Variants in PREP observed in about 807,000 individuals in gnomAD.
PREP encodes the protein prolyl endopeptidase, also known as dJ355L5.1 (prolyl endopeptidase).
In PREP, 29 loss-of-function variants were observed where a neutral mutation model predicts 87.6. The observed-to-expected ratio is 0.33, with a 90% CI of 0.25 to 0.45. The LOEUF (loss-of-function observed/expected upper bound fraction) is 0.45, where lower values mean the gene tolerates loss of function less well. Ranked by LOEUF, PREP falls within the 20% of genes least tolerant of loss-of-function variation. PREP has a pLI of 1.00. For missense variants in PREP, 695 were observed against 886.5 expected, an observed-to-expected ratio of 0.78 and a Z score of 2.74; for synonymous variants, 337 against 328.6, an observed-to-expected ratio of 1.03 and a Z score of -0.28.
chr6:105,358,872 G>A (rs903735996), intron 6 of PREP, among the ~76,000 whole-genome samples: 3 of 152,132 alleles, frequency 2.0e-5, no homozygotes, highest in African/African-American at 7.2e-5. Flanking sequence ...CTTCTGGGTG[G>A]TCCAGCCCAG....
At chr6:105,318,054 A>G (rs2114640986) in intron 10 of PREP, among the ~76,000 whole-genome samples, 1 of 152,314 alleles carries the variant, frequency 6.6e-6, no homozygotes, top group South Asian at 2.1e-4. Context: ...CCCTGATCTC[A>G]GGGTCTACAC....
intron 2 of PREP, among the ~76,000 whole-genome samples, chr6:105,385,996 T>C (rs1772983911): frequency 6.6e-6 from 1 of 152,178 alleles, no homozygotes; most frequent in Non-Finnish European, 1.5e-5. Flanking sequence ...GGCGCATGCC[T>C]GTAATCCCAG....
chr6:105,352,244 T>C (rs1315186284), intron 7 of PREP, among the ~76,000 whole-genome samples: 1 of 152,188 alleles, frequency 6.6e-6, no homozygotes, highest in Non-Finnish European at 1.5e-5. Context: ...GGTCTGGGAA[T>C]TTTCAGCATA....
intron 8 of PREP, among the ~76,000 whole-genome samples, chr6:105,330,221 T>C (rs1323892610): frequency 6.6e-6 from 1 of 152,102 alleles, no homozygotes; most frequent in Admixed American, 6.5e-5. Flanking sequence ...AAAGATGGCA[T>C]TAATAAAGGA....
chr6:105,356,244 G>C (rs1772097332), intron 6 of PREP, among the ~76,000 whole-genome samples: 2 of 152,288 alleles, frequency 1.3e-5, no homozygotes, highest in South Asian at 4.1e-4. Flanking sequence ...TGTTTTCAAA[G>C]GTTTGTTGGG....
chr6:105,299,415 A>G (rs1770484475), intron 10 of PREP, among the ~76,000 whole-genome samples: 1 of 152,250 alleles, frequency 6.6e-6, no homozygotes, highest in Admixed American at 6.5e-5. Context: ...CCTGGCCATC[A>G]TGGCAAAACC....
chr6:105,277,980 G>T lies in PREP; in HGVS notation c.*164C>A. ...ACCAAGGCCTTGCTAAAAAGGAGAA[G>T]CCTAAAAAAGATAAAATTCCCACGG... is the stretch of plus-strand genomic sequence containing the variant. On this transcript the variant is annotated 3_prime_UTR_variant, in exon 15 of 15. Coordinates refer to ENST00000652536, the MANE Select transcript of PREP (RefSeq NM_002726.5). 1 of 990,810 alleles carries T rather than the reference G, an allele frequency of 1.0e-6. No homozygotes were observed. Among genetic ancestry groups the T allele is most frequent in the Non-Finnish European group, 1.5e-6 (1 of 671,504 alleles). The allele number at this position is 990,810 out of a possible 1,614,324, so 61.4% of individuals were successfully genotyped here.
At chr6:105,309,419 G>A (rs1770714145) in intron 10 of PREP, among the ~76,000 whole-genome samples, 1 of 151,922 alleles carries the variant, frequency 6.6e-6, no homozygotes, top group African/African-American at 2.4e-5. Flanking sequence ...ATGCGATCTC[G>A]ACTCACCGCA....
intron 1 of PREP, among the ~76,000 whole-genome samples, chr6:105,401,190 A>G (rs1350829979): frequency 2.0e-5 from 3 of 152,244 alleles, no homozygotes; most frequent in African/African-American, 7.2e-5. Flanking sequence ...TGAAATATCA[A>G]ACATAAATAA....
intron 14 of PREP, chr6:105,279,210 A>G (rs181691581): frequency 6.6e-6 from 1 of 152,270 alleles, no homozygotes; most frequent in East Asian, 1.9e-4. Flanking sequence ...AATGTATTTA[A>G]TATTTATTAA....
intron 6 of PREP, among the ~76,000 whole-genome samples, chr6:105,357,276 G>C (rs1215704886): frequency 1.3e-5 from 2 of 152,072 alleles, no homozygotes; most frequent in Non-Finnish European, 2.9e-5. Context: ...ATAAATGATG[G>C]CTAATTCAGT....
chr6:105,316,219 T>C (rs1770864830), intron 10 of PREP, among the ~76,000 whole-genome samples: 1 of 152,192 alleles, frequency 6.6e-6, no homozygotes, highest in Admixed American at 6.5e-5. Context: ...TTCCTTGCAT[T>C]TGAACATTTG....
intron 6 of PREP, among the ~76,000 whole-genome samples, chr6:105,363,425 C>A (rs1310976501): frequency 6.6e-6 from 1 of 152,080 alleles, no homozygotes; most frequent in Non-Finnish European, 1.5e-5. Flanking sequence ...TAGAACCTGA[C>A]AATTTCTCTC....
At chr6:105,299,923 AT>A (rs536940548) in intron 10 of PREP, among the ~76,000 whole-genome samples, 316 of 150,482 alleles carry the variant, frequency 2.1e-3, no homozygotes, top group African/African-American at 7.2e-3. Flanking sequence ...TTGAGACGGA[AT>A]CTCACTCTGT....
chr6:105,286,868 C>T (rs892791286), intron 11 of PREP, among the ~76,000 whole-genome samples: 5 of 140 alleles, frequency 0.036, no homozygotes, highest in Middle Eastern at 0.25. Flanking sequence ...CCCCGGGACT[C>T]ATCTCTTGAA....
rs1462086339 is a variant in PREP, at chr6:105,326,576, T to C, written c.1213+2253A>G. ...CCCTGGGGCTTTACATATAATTGAG[T>C]ACCTCTGCTCTTTACTGTAGTAGTG... On this transcript the variant is annotated intron_variant, in intron 9 of 14. Transcript: ENST00000652536. 2.6e-5 allele frequency among the ~76,000 whole-genome samples: 4 copies of C among 152,330 alleles called. No homozygotes were observed. The South Asian group carries it at 8.3e-4, about 32-fold the overall frequency.
At chr6:105,335,832 G>A (rs1771463289) in intron 7 of PREP, among the ~76,000 whole-genome samples, 1 of 152,132 alleles carries the variant, frequency 6.6e-6, no homozygotes, top group Non-Finnish European at 1.5e-5. Flanking sequence ...GGCAGAGCTT[G>A]CAGTGAGCCA....
intron 8 of PREP, among the ~76,000 whole-genome samples, chr6:105,330,498 G>C (rs1481823635): frequency 6.6e-6 from 1 of 152,200 alleles, no homozygotes; most frequent in African/African-American, 2.4e-5. Context: ...AGCTGGGAGA[G>C]CAGGAGTGAG....
At position 105,277,790 on chromosome 6, in the gene PREP, A is replaced by T. The variant is rs189451746; in HGVS notation, c.*354T>A. The T allele has an allele frequency of 1.3e-3, 275 of 208,768 alleles. 1 individual carries two copies. Among genetic ancestry groups the T allele is most frequent in the Middle Eastern group, 5.9e-3 (3 of 506 alleles). 12.9% of individuals were successfully genotyped at this position (208,768 alleles called of 1,614,324 possible). On this transcript the variant is annotated 3_prime_UTR_variant, in exon 15 of 15. Transcript: ENST00000652536. ...TGAGAACAGTTCTCACATTTATTTAAAGATATAGAGGTTATGGATATAGAT... is the reference window on the plus strand; with the variant it reads ...TGAGAACAGTTCTCACATTTATTTATAGATATAGAGGTTATGGATATAGAT...
Sources: allele counts gnomAD v4.1 joint callset (sites outside exome capture counted in the v4.1 genomes callset), GRCh38; gene constraint gnomAD v4.1.1; transcripts MANE v1.5; gene names NCBI Gene and HGNC (gene_info 2026-07-23, HGNC 2026-07-21).